PIP5K1B: variants seen among roughly 807,000 people sequenced by gnomAD.
PIP5K1B encodes phosphatidylinositol-4-phosphate 5-kinase type 1 beta.
PIP5K1B carries 42 observed loss-of-function variants against 67.0 expected under a neutral mutation model. That is an observed-to-expected ratio of 0.63 (90% CI 0.49 to 0.81). The LOEUF (loss-of-function observed/expected upper bound fraction) is 0.81. Ranked by LOEUF, PIP5K1B falls within the 30% of genes least tolerant of loss-of-function variation. The probability of loss-of-function intolerance (pLI) is 0.00; values close to 1 mark genes in which losing one functional copy is unlikely to be tolerated. For synonymous variants in PIP5K1B, 214 were observed against 231.4 expected (o/e 0.92, Z 0.68); for missense variants, 459 against 646.3 (o/e 0.71, Z 3.14).
intron 8 of PIP5K1B, among the ~76,000 whole-genome samples, chr9:68,895,563 T>G (rs1825041363): frequency 6.6e-6 from 1 of 151,252 alleles, no homozygotes; most frequent in African/African-American, 2.4e-5. Flanking sequence ...AGGAAGACAG[T>G]CTGACACCCC....
intron 2 of PIP5K1B, chr9:68,780,075 TGGCGGCGGCAGC>T: frequency 4.2e-6 from 6 of 1,428,056 alleles, no homozygotes; most frequent in Admixed American, 3.0e-5. Flanking sequence ...AGATTCTCGG[TGGCGGCGGCAGC>T]GGCGGCGGCC....
chr9:68,875,316 A>C (rs1371032481), intron 5 of PIP5K1B, among the ~76,000 whole-genome samples: 4 of 150,646 alleles, frequency 2.7e-5, no homozygotes, highest in East Asian at 1.9e-4. Flanking sequence ...AAAAAAAAAA[A>C]AAAAAAAAAA....
At chr9:68,738,976 A>G (rs1388985446) in intron 1 of PIP5K1B, among the ~76,000 whole-genome samples, 1 of 152,086 alleles carries the variant, frequency 6.6e-6, no homozygotes, top group Non-Finnish European at 1.5e-5. Context: ...ACCGGCCAAA[A>G]AAGTTCTCCA....
At chr9:68,983,342 A>C (rs1396159980) in intron 14 of PIP5K1B, among the ~76,000 whole-genome samples, 1 of 152,128 alleles carries the variant, frequency 6.6e-6, no homozygotes, top group Non-Finnish European at 1.5e-5. Flanking sequence ...GGAGGGCTTG[A>C]TAAGTGTCCT....
At chr9:68,886,780 A>G (rs993089107) in intron 6 of PIP5K1B, among the ~76,000 whole-genome samples, 3 of 152,144 alleles carry the variant, frequency 2.0e-5, no homozygotes, top group Non-Finnish European at 2.9e-5. Context: ...TTCCTAACCC[A>G]ACAGAGTGGT....
chr9:68,933,452 CCT>C (rs1424712781), intron 12 of PIP5K1B, among the ~76,000 whole-genome samples: 1 of 151,900 alleles, frequency 6.6e-6, no homozygotes, highest in African/African-American at 2.4e-5. Flanking sequence ...AATTTCTTCC[CCT>C]CAAAGAAAAA....
At chr9:68,819,347 C>T (rs1051529808) in intron 3 of PIP5K1B, among the ~76,000 whole-genome samples, 21 of 152,266 alleles carry the variant, frequency 1.4e-4, no homozygotes, top group East Asian at 1.4e-3. Context: ...GATCATGGCT[C>T]ACTGCAGCCT....
Position 68,842,090 on chromosome 9 carries a change from C to G in PIP5K1B, c.69+19407C>G, listed in dbSNP as rs1443483034. On this transcript the variant is annotated intron_variant, in intron 4 of 15. Transcript: ENST00000265382. ...GGGTGACACCATCAAACCATGTGCCCCAAAGATGCCTTCATGTTGGTTTCC... is the reference window on the plus strand; with the variant it reads ...GGGTGACACCATCAAACCATGTGCCGCAAAGATGCCTTCATGTTGGTTTCC... Among the ~76,000 whole-genome samples, 3 of 152,346 alleles carry G rather than the reference C, an allele frequency of 2.0e-5. No homozygotes were observed. In the East Asian group the frequency reaches 5.8e-4, roughly 29 times the overall value.
intron 2 of PIP5K1B, among the ~76,000 whole-genome samples, chr9:68,758,458 T>C (rs1830038608): frequency 6.6e-6 from 1 of 152,070 alleles, no homozygotes; most frequent in South Asian, 2.1e-4. Flanking sequence ...AAAAATGCAG[T>C]AACCACAATT....
At chr9:68,793,856 TC>T (rs1337219280) in intron 2 of PIP5K1B, among the ~76,000 whole-genome samples, 4 of 152,212 alleles carry the variant, frequency 2.6e-5, no homozygotes, top group Non-Finnish European at 5.9e-5. Flanking sequence ...GTAGATGGGA[TC>T]ACTAAGGGGA....
intron 2 of PIP5K1B, among the ~76,000 whole-genome samples, chr9:68,769,231 G>A (rs911605083): frequency 2.0e-5 from 3 of 152,198 alleles, no homozygotes; most frequent in Non-Finnish European, 2.9e-5. Flanking sequence ...TGTGCAGAAT[G>A]CTTTTTAGCC....
rs145553483 is a variant in PIP5K1B at position 68,969,115 on chromosome 9, T to A, written c.1503-22025T>A. On this transcript the variant is annotated intron_variant, in intron 14 of 15. Transcript: ENST00000265382. The stretch of plus-strand genomic sequence containing the variant: ...CGGGCGCGGTGGCTCATGCCTGTAA[T>A]CCCAGCACTTTGGGAGGCCGAGGAG... Among the ~76,000 whole-genome samples the A allele has an allele frequency of 4.9e-3, 743 of 152,142 alleles. 7 individuals carry two copies. Among genetic ancestry groups the A allele is most frequent in the African/African-American group, 0.017 (685 of 41,482 alleles).
intron 3 of PIP5K1B, among the ~76,000 whole-genome samples, chr9:68,818,826 T>C (rs1446292106): frequency 6.6e-6 from 1 of 152,176 alleles, no homozygotes; most frequent in Non-Finnish European, 1.5e-5. Context: ...TATTTTTAAG[T>C]GTAGCAGTGT....
rs890263335 is a variant in PIP5K1B, at chr9:68,725,903, C to T, written c.-242-16598C>T. 4.6e-5 allele frequency among the ~76,000 whole-genome samples: 7 copies of T among 152,276 alleles called. 1 individual carries two copies. The highest frequency in any genetic ancestry group is 4.2e-4 in the South Asian group (2 of 4,818). On this transcript the variant is annotated intron_variant, in intron 1 of 15. Coordinates refer to ENST00000265382, the MANE Select transcript of PIP5K1B (RefSeq NM_003558.4). ...GTATGGTATGTGGTAGCCAACTTAT[C>T]GTATCTTCTGAGTGCCTAATGCTCT... is the stretch of plus-strand genomic sequence containing the variant.
chr9:68,800,371 G>A (rs1832535825), intron 2 of PIP5K1B, among the ~76,000 whole-genome samples: 1 of 152,226 alleles, frequency 6.6e-6, no homozygotes, highest in Non-Finnish European at 1.5e-5. Flanking sequence ...GACAGGGCCT[G>A]CACATGCACA....
At chr9:68,843,206 C>T (rs1822007099) in intron 4 of PIP5K1B, 1 of 152,220 alleles carries the variant, frequency 6.6e-6, no homozygotes, top group Non-Finnish European at 1.5e-5. Context: ...AGTCAGGGAA[C>T]CCTATGCCAG....
At chr9:68,853,790 C>A (rs943929468) in intron 4 of PIP5K1B, among the ~76,000 whole-genome samples, 1 of 152,152 alleles carries the variant, frequency 6.6e-6, no homozygotes, top group Non-Finnish European at 1.5e-5. Flanking sequence ...GAACTGCAGA[C>A]CCCATGAGAG....
chr9:68,802,773 A>C (rs1390598771), intron 2 of PIP5K1B, among the ~76,000 whole-genome samples: 1 of 152,182 alleles, frequency 6.6e-6, no homozygotes, highest in Non-Finnish European at 1.5e-5. Context: ...CAGTCATCCC[A>C]TGTGGCTGCA....
At chr9:68,925,816 G>A (rs376976013) in intron 12 of PIP5K1B, among the ~76,000 whole-genome samples, 1,179 of 7,386 alleles carry the variant, frequency 0.16, 24 homozygotes, top group Middle Eastern at 0.3. Flanking sequence ...TTTTTTTTTT[G>A]AGACAGGGTC....
Sources: gnomAD v4.1 joint callset for allele counts (sites outside exome capture counted in the v4.1 genomes callset) on GRCh38, gnomAD v4.1.1 for gene constraint, MANE v1.5 for transcripts, NCBI Gene and HGNC (gene_info 2026-07-23, HGNC 2026-07-21) for gene names.